OTUD7B: variants seen among roughly 807,000 people sequenced by gnomAD.
OTUD7B encodes the protein OTU domain-containing protein 7B.
In OTUD7B, 34 loss-of-function variants were observed where a neutral mutation model predicts 82.2. The ratio of observed to expected loss-of-function variants is 0.41; its 90% CI spans 0.31 to 0.55. The LOEUF is 0.55. Among genes scored for constraint, OTUD7B ranks in the 20% least tolerant of loss-of-function variants. OTUD7B has a pLI of 0.20. For synonymous variants in OTUD7B, 398 were observed against 402.7 expected, an observed-to-expected ratio of 0.99 and a Z score of 0.14; for missense variants, 944 against 1,062.1, an observed-to-expected ratio of 0.89 and a Z score of 1.55.
the OTUD7B span, among the ~76,000 whole-genome samples, chr1:150,022,508 C>G: frequency 6.6e-6 from 1 of 151,582 alleles, no homozygotes; most frequent in Non-Finnish European, 1.5e-5. Flanking sequence ...TGAAAAGAGC[C>G]GTAACCACAT....
At chr1:149,973,858 A>ATTT (rs1220689600) in intron 2 of OTUD7B, among the ~76,000 whole-genome samples, 10 of 132,768 alleles carry the variant, frequency 7.5e-5, no homozygotes, top group Admixed American at 2.4e-4. Flanking sequence ...GCCCCTTCTA[A>ATTT]TTTTTTTTTT....
At chr1:150,041,363 C>T in the OTUD7B span, among the ~76,000 whole-genome samples, 1 of 152,186 alleles carries the variant, frequency 6.6e-6, no homozygotes, top group African/African-American at 2.4e-5. Flanking sequence ...GACAGAGTCT[C>T]ACTCTGTTGC....
intron 3 of OTUD7B, among the ~76,000 whole-genome samples, chr1:149,969,140 G>A (rs1649729593): frequency 6.6e-6 from 1 of 152,136 alleles, no homozygotes; most frequent in African/African-American, 2.4e-5. Flanking sequence ...CTGGGCAACA[G>A]AGTGAGACCT....
upstream of OTUD7B, among the ~76,000 whole-genome samples, chr1:150,014,106 A>AT (rs1559875221): frequency 5.2e-5 from 6 of 116,212 alleles, 1 homozygote; most frequent in African/African-American, 1.3e-4. Flanking sequence ...ATATATATAT[A>AT]GTAGGGGCTC....
chr1:149,997,449 T>C (rs1315791370), intron 1 of OTUD7B, among the ~76,000 whole-genome samples: 8 of 152,172 alleles, frequency 5.3e-5, no homozygotes, highest in Non-Finnish European at 7.3e-5. Flanking sequence ...TCTAAAGCTC[T>C]CTTCCTTTTA....
chr1:149,938,758 T>TAAAAA lies in OTUD7B; in HGVS notation c.*5094_*5098dup, dbSNP rs66654345. ...ACATGGCGAAACCCCCGACTCTAACTAAAAAAAAAAAAAAAAAAAAAAATT... is the reference window on the plus strand; with the variant it reads ...ACATGGCGAAACCCCCGACTCTAACTAAAAAAAAAAAAAAAAAAAAAAAAAAAATT... On this transcript the variant is annotated 3_prime_UTR_variant, in exon 12 of 12. Transcript: ENST00000581312. 3,817 of 48,728 alleles carry TAAAAA rather than the reference T, an allele frequency of 0.078. 785 individuals carry two copies. The highest frequency in any genetic ancestry group is 0.27 in the African/African-American group (2,446 of 9,040). The allele number at this position is 48,728 out of a possible 1,614,324, so 3.0% of individuals were successfully genotyped here.
At chr1:150,013,422 GA>G (rs1232250024), upstream of OTUD7B, among the ~76,000 whole-genome samples, 1 of 151,998 alleles carries the variant, frequency 6.6e-6, no homozygotes, top group Non-Finnish European at 1.5e-5. Flanking sequence ...GCTAGGCAGG[GA>G]AAAAAACTAT....
At chr1:150,024,819 G>T in the OTUD7B span, among the ~76,000 whole-genome samples, 30 of 150,442 alleles carry the variant, frequency 2.0e-4, 2 homozygotes, top group Admixed American at 1.1e-3. Flanking sequence ...AGGCCAAGGC[G>T]GGCGGATCTC....
chr1:150,029,644 CCA>C, the OTUD7B span, among the ~76,000 whole-genome samples: 1 of 152,164 alleles, frequency 6.6e-6, no homozygotes, highest in Non-Finnish European at 1.5e-5. Context: ...CTCTCAGAGT[CCA>C]CAGTCTCCAG....
intron 11 of OTUD7B, 41 bp from the exon 12 acceptor site, chr1:149,945,106 C>G: frequency 6.3e-7 from 1 of 1,583,106 alleles, no homozygotes; most frequent in Non-Finnish European, 8.6e-7. Flanking sequence ...ATCCCAGCAG[C>G]CTGGGGTGGG....
the OTUD7B span, among the ~76,000 whole-genome samples, chr1:150,021,768 A>G: frequency 6.6e-6 from 1 of 152,346 alleles, no homozygotes; most frequent in Admixed American, 6.5e-5. Context: ...AAGCATATAT[A>G]AGATTCATTA....
chr1:150,026,903 A>G, the OTUD7B span, among the ~76,000 whole-genome samples: 1 of 152,152 alleles, frequency 6.6e-6, no homozygotes, highest in Non-Finnish European at 1.5e-5. Context: ...GGATTCTGTA[A>G]TTTGCAATCA....
At chr1:150,001,305 G>A (rs1306534151) in intron 1 of OTUD7B, among the ~76,000 whole-genome samples, 1 of 152,124 alleles carries the variant, frequency 6.6e-6, no homozygotes, top group Non-Finnish European at 1.5e-5. Flanking sequence ...AAAGGGCCAG[G>A]TGATTTGATG....
chr1:150,032,768 T>C, the OTUD7B span, among the ~76,000 whole-genome samples: 1 of 152,196 alleles, frequency 6.6e-6, no homozygotes, highest in Non-Finnish European at 1.5e-5. Flanking sequence ...TTTAAAATTC[T>C]TCAACAGTAG....
the OTUD7B span, among the ~76,000 whole-genome samples, chr1:150,038,475 C>T: frequency 6.6e-6 from 1 of 152,132 alleles, no homozygotes; most frequent in Non-Finnish European, 1.5e-5. Flanking sequence ...CAATCTCCAC[C>T]TCCTGGGTTC....
intron 1 of OTUD7B, among the ~76,000 whole-genome samples, chr1:150,006,177 GC>G (rs1553786029): frequency 1.3e-5 from 2 of 152,108 alleles, no homozygotes; most frequent in Non-Finnish European, 2.9e-5. Context: ...TGTATTTTCG[GC>G]CCGGCACACT....
intron 1 of OTUD7B, among the ~76,000 whole-genome samples, chr1:150,003,517 C>A (rs1160679196): frequency 2.0e-5 from 3 of 152,114 alleles, no homozygotes; most frequent in African/African-American, 7.2e-5. Flanking sequence ...TCAGCATGCC[C>A]AAGGCAGAAC....
At chr1:149,981,538 G>A (rs12064434) in intron 1 of OTUD7B, among the ~76,000 whole-genome samples, 7,542 of 152,244 alleles carry the variant, frequency 0.05, 648 homozygotes, top group African/African-American at 0.17. Flanking sequence ...GAATTTTCAT[G>A]CAAAATTGTT....
At chr1:150,006,847 T>G (rs964820360) in intron 1 of OTUD7B, among the ~76,000 whole-genome samples, 12 of 152,250 alleles carry the variant, frequency 7.9e-5, no homozygotes, top group Non-Finnish European at 1.5e-5. Context: ...CTCCTGGCTG[T>G]ATCCCTTCAG....
Sources: gnomAD v4.1 joint callset for allele counts (sites outside exome capture counted in the v4.1 genomes callset) on GRCh38, gnomAD v4.1.1 for gene constraint, MANE v1.5 for transcripts, NCBI Gene and HGNC (gene_info 2026-07-23, HGNC 2026-07-21) for gene names.